Variants in ANTXR2 observed in about 807,000 individuals in gnomAD.
ANTXR2 encodes the protein anthrax toxin receptor 2.
A neutral mutation model predicts 73.7 loss-of-function variants in ANTXR2; 44 were observed. The ratio of observed to expected loss-of-function variants is 0.60; its 90% CI spans 0.47 to 0.77. The LOEUF (loss-of-function observed/expected upper bound fraction) is 0.77, where lower values mean the gene tolerates loss of function less well. Among genes scored for constraint, ANTXR2 ranks in the 30% least tolerant of loss-of-function variants. The pLI, the probability that ANTXR2 is intolerant of heterozygous loss-of-function variation, is 0.00. For missense variants in ANTXR2, 604 were observed against 592.5 expected (o/e 1.02, Z -0.20); for synonymous variants, 217 against 205.9 (o/e 1.05, Z -0.46).
At chr4:80,033,701 A>ATTGCTATT in intron 8 of ANTXR2, 131 bp from the exon 9 acceptor site, 1 of 648,508 alleles carries the variant, frequency 1.5e-6, no homozygotes, top group Non-Finnish European at 2.6e-6. Context: ...AATAGCAATG[A>ATTGCTATT]AGACATAGCT....
At chr4:80,033,346 A>T (rs1732786470) in intron 9 of ANTXR2, 126 bp downstream of exon 9, 1 of 638,058 alleles carries the variant, frequency 1.6e-6, no homozygotes, top group Admixed American at 3.8e-5. Flanking sequence ...TATCATTCAG[A>T]CTTCATTTCT....
At position 80,005,695 on chromosome 4, in the gene ANTXR2, T is replaced by C. The variant is rs112576984; in HGVS notation, c.1041+2826A>G. Among the ~76,000 whole-genome samples the C allele has an allele frequency of 5.2e-3, 787 of 152,248 alleles. 6 individuals carry two copies. Among genetic ancestry groups the C allele is most frequent in the African/African-American group, 0.018 (764 of 41,560 alleles). On this transcript the variant is annotated intron_variant, in intron 12 of 16. Coordinates refer to ENST00000403729, the MANE Select transcript of ANTXR2 (RefSeq NM_058172.6). ...ATACTTTGTTAGAAGTACTTTGTTCTGGCTATATTTAAGGTGCAATATCTG... is the reference window on the plus strand; with the variant it reads ...ATACTTTGTTAGAAGTACTTTGTTCCGGCTATATTTAAGGTGCAATATCTG...
At chr4:80,049,987 GTTA>G (rs1421657304) in intron 7 of ANTXR2, among the ~76,000 whole-genome samples, 1 of 151,688 alleles carries the variant, frequency 6.6e-6, no homozygotes, top group Non-Finnish European at 1.5e-5. Context: ...GAATAAAGAG[GTTA>G]TTAGGTGCTT....
chr4:79,957,825 T>C (rs929065324), intron 16 of ANTXR2, among the ~76,000 whole-genome samples: 7 of 151,988 alleles, frequency 4.6e-5, no homozygotes, highest in Non-Finnish European at 1.0e-4. Flanking sequence ...AGGTATTAAC[T>C]AGACAAACAT....
intron 12 of ANTXR2, among the ~76,000 whole-genome samples, chr4:79,998,892 C>T (rs1730869153): frequency 6.6e-6 from 1 of 151,870 alleles, no homozygotes; most frequent in South Asian, 2.1e-4. Context: ...CATGAGGCTC[C>T]TTTTTTATAA....
chr4:80,043,066 G>T (rs1263595513), intron 7 of ANTXR2, among the ~76,000 whole-genome samples: 1 of 151,932 alleles, frequency 6.6e-6, no homozygotes, highest in African/African-American at 2.4e-5. Context: ...CACAAGCATG[G>T]GGGAGAGAGG....
chr4:80,043,880 G>A (rs991967381), intron 7 of ANTXR2, among the ~76,000 whole-genome samples: 1 of 151,780 alleles, frequency 6.6e-6, no homozygotes, highest in African/African-American at 2.4e-5. Flanking sequence ...GGACACTCTA[G>A]GAATGTCCCA....
At chr4:80,046,148 C>T (rs1443743659) in intron 7 of ANTXR2, among the ~76,000 whole-genome samples, 1 of 151,728 alleles carries the variant, frequency 6.6e-6, no homozygotes, top group Non-Finnish European at 1.5e-5. Context: ...TTCTGAGCTC[C>T]AAACAAAACA....
chr4:79,984,087 T>C (rs898730768), intron 13 of ANTXR2, 117 bp from the exon 14 acceptor site: 1 of 723,838 alleles, frequency 1.4e-6, no homozygotes. Context: ...GAAAAAACTA[T>C]GTATAGAACA....
chr4:80,006,180 C>T (rs1731293575), intron 12 of ANTXR2, among the ~76,000 whole-genome samples: 1 of 151,990 alleles, frequency 6.6e-6, no homozygotes, highest in African/African-American at 2.4e-5. Flanking sequence ...TTACACACGC[C>T]GCTATTAGGA....
At chr4:79,965,385 C>CT (rs1434833182) in intron 16 of ANTXR2, among the ~76,000 whole-genome samples, 3 of 152,084 alleles carry the variant, frequency 2.0e-5, no homozygotes, top group Non-Finnish European at 2.9e-5. Flanking sequence ...TTTGTTTTGC[C>CT]TTTTTTTAGA....
At chr4:79,983,185 G>A (rs1321426114) in intron 14 of ANTXR2, among the ~76,000 whole-genome samples, 1 of 152,036 alleles carries the variant, frequency 6.6e-6, no homozygotes, top group African/African-American at 2.4e-5. Flanking sequence ...TTGCTCCTTG[G>A]GATGGGATGC....
At chr4:80,013,911 T>C (rs921537619) in intron 11 of ANTXR2, among the ~76,000 whole-genome samples, 2 of 152,186 alleles carry the variant, frequency 1.3e-5, no homozygotes, top group Admixed American at 1.3e-4. Flanking sequence ...TTTATTATCC[T>C]GTAATAACTA....
chr4:80,056,135 A>G, intron 3 of ANTXR2, 122 bp from the exon 4 acceptor site: 1 of 578,354 alleles, frequency 1.7e-6, no homozygotes, highest in African/African-American at 2.0e-5. Context: ...AGGAAAGAAC[A>G]TGGGCTTTGA....
intron 8 of ANTXR2, among the ~76,000 whole-genome samples, chr4:80,033,988 T>A (rs569249319): frequency 6.6e-6 from 1 of 152,116 alleles, no homozygotes; most frequent in Non-Finnish European, 1.5e-5. Context: ...ACTAATTATG[T>A]ACGTTTTTTA....
chr4:79,975,273 A>G (rs1361548264), intron 16 of ANTXR2, among the ~76,000 whole-genome samples: 1 of 152,220 alleles, frequency 6.6e-6, no homozygotes, highest in African/African-American at 2.4e-5. Context: ...TATGCACTCA[A>G]GAGTACCCAG....
At chr4:80,040,001 G>T (rs531980682) in intron 7 of ANTXR2, among the ~76,000 whole-genome samples, 68 of 152,074 alleles carry the variant, frequency 4.5e-4, no homozygotes, top group Admixed American at 1.2e-3. Flanking sequence ...TATCCTAAGT[G>T]AATTAATGCA....
At chr4:79,937,566 TCAAA>T (rs959294859) in intron 16 of ANTXR2, among the ~76,000 whole-genome samples, 8 of 152,332 alleles carry the variant, frequency 5.3e-5, no homozygotes, top group African/African-American at 1.7e-4. Flanking sequence ...AGTACCATAC[TCAAA>T]CAGATTTGTT....
intron 11 of ANTXR2, among the ~76,000 whole-genome samples, chr4:80,014,254 C>T (rs1236228257): frequency 6.6e-6 from 1 of 152,060 alleles, no homozygotes; most frequent in African/African-American, 2.4e-5. Context: ...TTGGATCTCC[C>T]TTTTCTTTAA....
Sources: allele counts gnomAD v4.1 joint callset (sites outside exome capture counted in the v4.1 genomes callset), GRCh38; gene constraint gnomAD v4.1.1; transcripts MANE v1.5; gene names NCBI Gene and HGNC (gene_info 2026-07-23, HGNC 2026-07-21).